The following SGK3 variants were observed in gnomAD, a reference collection of about 807,000 sequenced individuals.
SGK3 encodes serum/glucocorticoid regulated kinase family member 3.
SGK3 carries 47 observed loss-of-function variants against 68.5 expected under a neutral mutation model. That is an observed-to-expected ratio of 0.69 (90% CI 0.54 to 0.87). SGK3 has a LOEUF of 0.87. SGK3 is among the 40% of genes least tolerant of loss of function. The pLI is 0.00. For missense variants in SGK3, 479 were observed against 575.5 expected, an observed-to-expected ratio of 0.83 and a Z score of 1.72; for synonymous variants, 181 against 189.1, an observed-to-expected ratio of 0.96 and a Z score of 0.35.
intron 10 of SGK3, among the ~76,000 whole-genome samples, chr8:66,836,488 G>C (rs747019688): frequency 5.3e-5 from 8 of 152,086 alleles, no homozygotes; most frequent in East Asian, 1.9e-4. Context: ...GGGGCTCTGT[G>C]GTGGTAGCTT....
At chr8:66,837,083 A>G (rs1256837157) in intron 10 of SGK3, among the ~76,000 whole-genome samples, 2 of 152,128 alleles carry the variant, frequency 1.3e-5, no homozygotes, top group Non-Finnish European at 2.9e-5. Flanking sequence ...TTACCTTCAC[A>G]ACAATCTATA....
At chr8:66,776,851 C>T (rs1298194360) in intron 1 of SGK3, among the ~76,000 whole-genome samples, 1 of 152,180 alleles carries the variant, frequency 6.6e-6, no homozygotes, top group African/African-American at 2.4e-5. Flanking sequence ...TGATTGTCTT[C>T]TTAAGCTTTG....
At chr8:66,794,662 C>A (rs913819748) in intron 2 of SGK3, among the ~76,000 whole-genome samples, 8 of 152,160 alleles carry the variant, frequency 5.3e-5, no homozygotes, top group African/African-American at 1.9e-4. Context: ...CTTCTACTTT[C>A]TTTCTCTTAC....
chr8:66,750,578 C>G (rs1034134979), intron 1 of SGK3, among the ~76,000 whole-genome samples: 1 of 150,328 alleles, frequency 6.7e-6, no homozygotes, highest in African/African-American at 2.5e-5. Context: ...GTCCCAGCTA[C>G]TCGGGAGGCT....
intron 1 of SGK3, among the ~76,000 whole-genome samples, chr8:66,753,818 T>C (rs1563610353): frequency 6.6e-6 from 1 of 151,860 alleles, no homozygotes; most frequent in Non-Finnish European, 1.5e-5. Context: ...AAACTCCCTC[T>C]CAAAAAAAAG....
rs930573300 is a variant in SGK3, at chr8:66,846,701, G to A, written c.1075-492G>A. Among the ~76,000 whole-genome samples the A allele has an allele frequency of 5.9e-5, 9 of 152,094 alleles. No individual in the cohort carries two copies. In the East Asian group the frequency reaches 1.2e-3, roughly 20 times the overall value. On this transcript the variant is annotated intron_variant, in intron 14 of 16. Transcript: ENST00000521198. ...ATACCCCAAGTCTTTTGGCTGTTGCGGTGGCATTTTTAATTCTGCAAAGTA... is the reference window on the plus strand; with the variant it reads ...ATACCCCAAGTCTTTTGGCTGTTGCAGTGGCATTTTTAATTCTGCAAAGTA...
chr8:66,798,287 C>T (rs934149001), intron 2 of SGK3, among the ~76,000 whole-genome samples: 12 of 152,084 alleles, frequency 7.9e-5, no homozygotes, highest in African/African-American at 2.9e-4. Context: ...AGATTACAGG[C>T]ATGACCCACT....
At chr8:66,844,055 A>G (rs560040136) in intron 14 of SGK3, among the ~76,000 whole-genome samples, 1 of 150,880 alleles carries the variant, frequency 6.6e-6, no homozygotes, top group Admixed American at 6.6e-5. Flanking sequence ...TTAAATTAAT[A>G]TAATTGTTTC....
chr8:66,770,120 A>AT (rs910396805), intron 1 of SGK3, among the ~76,000 whole-genome samples: 1 of 151,088 alleles, frequency 6.6e-6, no homozygotes, highest in African/African-American at 2.4e-5. Flanking sequence ...CACCCGGCTA[A>AT]TTTTTTTGTA....
chr8:66,836,130 CA>C (rs1475465197), intron 10 of SGK3, 56 bp downstream of exon 10: 9 of 1,558,752 alleles, frequency 5.8e-6, no homozygotes, highest in Non-Finnish European at 7.8e-6. Context: ...AGCATAAAGT[CA>C]AAGTTTTTCT....
At position 66,813,841 on chromosome 8, in the gene SGK3, T is replaced by G. The variant is rs765842893; in HGVS notation, c.254-12T>G. On this transcript the variant is annotated splice_polypyrimidine_tract_variant and intron_variant, in intron 4 of 16. Transcript: ENST00000521198. ...ACATAAATAATCCTAATAGTTTATA[T>G]CTCTCTTCCAGATTTTATTAAACAA... is the stretch of plus-strand genomic sequence containing the variant. 5.1e-6 allele frequency: 8 copies of G among 1,566,388 alleles called. No homozygotes were observed. The South Asian group carries it at 8.6e-5, about 17-fold the overall frequency.
At chr8:66,822,100 G>A (rs534220348) in intron 5 of SGK3, among the ~76,000 whole-genome samples, 1 of 150,056 alleles carries the variant, frequency 6.7e-6, no homozygotes, top group African/African-American at 2.5e-5. Flanking sequence ...GATTATTAGT[G>A]AAGTTAGCCA....
chr8:66,762,420 G>C (rs2130464953), intron 1 of SGK3, among the ~76,000 whole-genome samples: 1 of 152,272 alleles, frequency 6.6e-6, no homozygotes, highest in East Asian at 1.9e-4. Context: ...GGGAGGCTGA[G>C]GCAGGAGAAT....
At chr8:66,778,453 C>T (rs549186321) in intron 1 of SGK3, among the ~76,000 whole-genome samples, 1 of 152,258 alleles carries the variant, frequency 6.6e-6, no homozygotes, top group South Asian at 2.1e-4. Flanking sequence ...CCCGCCACCA[C>T]GCTCGGCTAA....
At chr8:66,838,644 C>T (rs112171253) in intron 10 of SGK3, among the ~76,000 whole-genome samples, 4,038 of 151,736 alleles carry the variant, frequency 0.027, 96 homozygotes, top group African/African-American at 0.048. Context: ...TGCTCACTGG[C>T]AAAGAATGGA....
At chr8:66,827,797 G>GTA (rs558038616) in intron 6 of SGK3, among the ~76,000 whole-genome samples, 168 of 152,248 alleles carry the variant, frequency 1.1e-3, no homozygotes, top group African/African-American at 3.8e-3. Flanking sequence ...AGAAAAGCCT[G>GTA]TATAAAATGT....
chr8:66,821,606 G>A (rs542829472), intron 5 of SGK3, among the ~76,000 whole-genome samples: 3,677 of 151,140 alleles, frequency 0.024, 153 homozygotes, highest in African/African-American at 0.083. Flanking sequence ...TCCGCCTCCC[G>A]GGCTCACACC....
chr8:66,834,895 G>A (rs1470812609), intron 8 of SGK3, among the ~76,000 whole-genome samples: 22 of 147,954 alleles, frequency 1.5e-4, no homozygotes, highest in South Asian at 4.3e-4. Context: ...AGCCGAGATC[G>A]CGCCACTGCA....
At chr8:66,831,358 T>C (rs1211118442) in intron 8 of SGK3, 47 bp downstream of exon 8, 1 of 1,606,470 alleles carries the variant, frequency 6.2e-7, no homozygotes, top group Non-Finnish European at 8.5e-7. Context: ...TTTTGGTTTT[T>C]TTTTTGGAGA....
Sources: allele counts gnomAD v4.1 joint callset (sites outside exome capture counted in the v4.1 genomes callset), GRCh38; gene constraint gnomAD v4.1.1; transcripts MANE v1.5; gene names NCBI Gene and HGNC (gene_info 2026-07-23, HGNC 2026-07-21).